The following NEK9 variants were observed in gnomAD, a reference collection of about 807,000 sequenced individuals.
NEK9 encodes the protein serine/threonine-protein kinase Nek9.
A neutral mutation model predicts 123.4 loss-of-function variants in NEK9; 75 were observed. The observed-to-expected ratio is 0.61, with a 90% confidence interval of 0.50 to 0.74. The LOEUF is 0.74. NEK9 is among the 30% of genes least tolerant of loss of function. NEK9 has a pLI of 0.00. For missense variants in NEK9, 952 were observed against 1,214.4 expected, an observed-to-expected ratio of 0.78 and a Z score of 3.21; for synonymous variants, 438 against 458.7, an observed-to-expected ratio of 0.95 and a Z score of 0.58.
chr14:75,099,654 T>C (rs1006640129), intron 16 of NEK9, among the ~76,000 whole-genome samples: 14 of 150,390 alleles, frequency 9.3e-5, no homozygotes, highest in African/African-American at 3.4e-4. Flanking sequence ...TGGTGGCGAG[T>C]GCCTGTAATC....
chr14:75,088,012 G>A (rs1018456888), intron 20 of NEK9, among the ~76,000 whole-genome samples: 1 of 152,134 alleles, frequency 6.6e-6, no homozygotes, highest in African/African-American at 2.4e-5. Context: ...GCCTTTAATA[G>A]GAAAAGTCTA....
chr14:75,124,940 T>A (rs1287803661), intron 1 of NEK9, among the ~76,000 whole-genome samples: 8 of 38,750 alleles, frequency 2.1e-4, no homozygotes, highest in Admixed American at 1.8e-4. Flanking sequence ...TCAGCTAAAT[T>A]TTTTTTTTTT....
intron 18 of NEK9, among the ~76,000 whole-genome samples, chr14:75,092,214 C>T (rs1215269027): frequency 6.6e-6 from 1 of 151,000 alleles, no homozygotes; most frequent in Non-Finnish European, 1.5e-5. Context: ...TCAGGTGATC[C>T]ACCTACCTTG....
rs1225947409 is a variant in NEK9, at chr14:75,080,666, G to A, written c.*3898C>T. On this transcript the variant is annotated 3_prime_UTR_variant, in exon 22 of 22. Coordinates refer to ENST00000238616, the MANE Select transcript of NEK9 (RefSeq NM_033116.6). ...TCTTTTTTTTTTTTTTTGAGACGGA[G>A]TCTCGCTCTTGTCACCCAGGCTGGA... is the stretch of plus-strand genomic sequence containing the variant. 4 of 150,394 alleles carry A rather than the reference G, an allele frequency of 2.7e-5. No individual in the cohort carries two copies. The highest frequency in any genetic ancestry group is 5.9e-5 in the Non-Finnish European group (4 of 67,736). 9.3% of individuals were successfully genotyped at this position (150,394 alleles called of 1,614,324 possible).
At chr14:75,101,286 T>C (rs2139752020) in intron 15 of NEK9, 133 bp from the exon 16 acceptor site, 4 of 957,018 alleles carry the variant, frequency 4.2e-6, no homozygotes, top group South Asian at 3.5e-5. Context: ...CACATGATCC[T>C]GGACCTAGGA....
rs557731279 is a variant in NEK9 at position 75,083,121 on chromosome 14, A to T, written c.*1443T>A. On this transcript the variant is annotated 3_prime_UTR_variant, in exon 22 of 22. Coordinates refer to ENST00000238616, the MANE Select transcript of NEK9 (RefSeq NM_033116.6). ...GACCTCCCACAATGTTGATAAGATT[A>T]TCAAACATTTTGGTCTGGGGAAGAT... 1 of 398,666 alleles carries T rather than the reference A, an allele frequency of 2.5e-6. No homozygotes were observed. Among genetic ancestry groups the T allele is most frequent in the South Asian group, 1.3e-4 (1 of 7,864 alleles). 24.7% of individuals were successfully genotyped at this position (398,666 alleles called of 1,614,324 possible).
chr14:75,087,897 T>C (rs1251725306), intron 20 of NEK9, among the ~76,000 whole-genome samples: 2 of 152,248 alleles, frequency 1.3e-5, no homozygotes, highest in African/African-American at 4.8e-5. Context: ...CCATTCATTA[T>C]GTATTACTTG....
chr14:75,087,118 A>G lies in NEK9; in HGVS notation c.2717T>C (p.Val906Ala). ...QVEVERLQGL[V>A]LKCLAEQQKL... ...CTGTTGTTCAGCCAGACACTTTAACACCAGACCCTGCAATCTCTCAACCTC... is the reference window on the plus strand; with the variant it reads ...CTGTTGTTCAGCCAGACACTTTAACGCCAGACCCTGCAATCTCTCAACCTC... Residue 906 changes from valine to alanine, a missense_variant, in exon 21 of 22, where the codon GTG becomes GCG. Around this residue, in one of 4 missense-constraint regions of NEK9, gnomAD observed 698 missense variants for 875.6 expected, o/e 0.80. Transcript: ENST00000238616. The G allele has an allele frequency of 6.2e-7, 1 of 1,614,132 alleles. No homozygotes were observed. Among genetic ancestry groups the G allele is most frequent in the South Asian group, 1.1e-5 (1 of 91,082 alleles).
At chr14:75,088,110 A>T (rs1286786829) in intron 20 of NEK9, among the ~76,000 whole-genome samples, 1 of 152,186 alleles carries the variant, frequency 6.6e-6, no homozygotes, top group Non-Finnish European at 1.5e-5. Flanking sequence ...CATTTTTACC[A>T]AGGTTAGGTG....
chr14:75,084,524 T>C lies in NEK9; in HGVS notation c.*40A>G, dbSNP rs1286903052. 3 of 1,611,492 alleles carry C rather than the reference T, an allele frequency of 1.9e-6. No individual in the cohort carries two copies. Among genetic ancestry groups the C allele is most frequent in the Non-Finnish European group, 1.7e-6 (2 of 1,178,656 alleles). ...TTCGGTAAGTGTGCTGTGAAGTTCTTTGGGTCCCAGTCTCCTGGGGGCTCT... is the reference window on the plus strand; with the variant it reads ...TTCGGTAAGTGTGCTGTGAAGTTCTCTGGGTCCCAGTCTCCTGGGGGCTCT... On this transcript the variant is annotated 3_prime_UTR_variant, in exon 22 of 22. Coordinates refer to ENST00000238616, the MANE Select transcript of NEK9 (RefSeq NM_033116.6).
Position 75,084,262 on chromosome 14 carries a change from TCTC to T in NEK9, c.*299_*301del. On this transcript the variant is annotated 3_prime_UTR_variant, in exon 22 of 22. Coordinates refer to ENST00000238616, the MANE Select transcript of NEK9 (RefSeq NM_033116.6). ...CAGCGCAATTAAGGTGAGCACTGTG[TCTC>T]CTCTTCAAAGGTGGGATCAACAGAT... The T allele has an allele frequency of 3.2e-6, 1 of 312,540 alleles. No homozygotes were observed. The highest frequency in any genetic ancestry group is 6.2e-6 in the Non-Finnish European group (1 of 162,216). 19.4% of individuals were successfully genotyped at this position (312,540 alleles called of 1,614,324 possible).
At chr14:75,094,823 G>C (rs1254769821) in intron 18 of NEK9, among the ~76,000 whole-genome samples, 1 of 152,084 alleles carries the variant, frequency 6.6e-6, no homozygotes, top group Non-Finnish European at 1.5e-5. Context: ...CTGGTTCTGA[G>C]ACATCAAAGA....
chr14:75,093,206 C>T (rs1159182139), intron 18 of NEK9, among the ~76,000 whole-genome samples: 1 of 152,114 alleles, frequency 6.6e-6, no homozygotes, highest in African/African-American at 2.4e-5. Context: ...TGCTCAATAG[C>T]CACAGAAAGC....
At chr14:75,121,250 G>A in intron 2 of NEK9, 76 bp from the exon 3 acceptor site, 1 of 1,091,646 alleles carries the variant, frequency 9.2e-7, no homozygotes, top group South Asian at 1.4e-5. Flanking sequence ...GTTTTTTTAG[G>A]TGACACAAGG....
Position 75,095,356 on chromosome 14 carries a change from A to C in NEK9, c.2233+16T>G. ...CACTTCAGAAAACCACTGGTACCTG[A>C]AACATTGGTACTTACCAGTTCCAAT... On this transcript the variant is annotated intron_variant, in intron 18 of 21. Coordinates refer to ENST00000238616, the MANE Select transcript of NEK9 (RefSeq NM_033116.6). The C allele has an allele frequency of 2.5e-6, 4 of 1,595,070 alleles. No homozygotes were observed. Among genetic ancestry groups the C allele is most frequent in the Non-Finnish European group, 3.4e-6 (4 of 1,166,236 alleles).
intron 8 of NEK9, among the ~76,000 whole-genome samples, chr14:75,110,712 C>T (rs1179451179): frequency 6.6e-6 from 1 of 151,836 alleles, no homozygotes; most frequent in East Asian, 1.9e-4. Context: ...CTCCCAAACT[C>T]AGTATCTCCA....
intron 1 of NEK9, among the ~76,000 whole-genome samples, chr14:75,125,705 A>G (rs926669191): frequency 4.6e-5 from 7 of 152,258 alleles, no homozygotes; most frequent in African/African-American, 1.4e-4. Context: ...AGGATAAAAA[A>G]GAACACTTAA....
Position 75,088,535 on chromosome 14 carries a change from C to T in NEK9, c.2549G>A (p.Gly850Glu). 6.2e-7 allele frequency: 1 copy of T among 1,614,046 alleles called. No individual in the cohort carries two copies. The highest frequency in any genetic ancestry group is 8.5e-7 in the Non-Finnish European group (1 of 1,180,004). The change falls in exon 20 of 22, where the codon GGA (glycine) becomes GAA (glutamate). Residue 850 changes from glycine to glutamate, a missense_variant. Around this residue, in one of 4 missense-constraint regions of NEK9, gnomAD observed 698 missense variants for 875.6 expected, o/e 0.80. Transcript: ENST00000238616. ...AGGAGCTTCAGAGGCCACTTTGAGTCCTTGCAGCTCTTCATAGGGCAGGGT... is the reference window on the plus strand; with the variant it reads ...AGGAGCTTCAGAGGCCACTTTGAGTTCTTGCAGCTCTTCATAGGGCAGGGT... ...KDTLPYEELQ[G>E]LKVASEAPLE...
intron 6 of NEK9, 128 bp downstream of exon 6, chr14:75,117,067 A>C: frequency 9.2e-7 from 1 of 1,084,606 alleles, no homozygotes; most frequent in East Asian, 2.6e-5. Context: ...ATAGATTACT[A>C]ATCTTGTACC....
Sources: allele counts gnomAD v4.1 joint callset (sites outside exome capture counted in the v4.1 genomes callset), GRCh38; gene constraint gnomAD v4.1.1; regional missense constraint gnomAD v4.1.1; transcripts MANE v1.5; gene names NCBI Gene and HGNC (gene_info 2026-07-23, HGNC 2026-07-21).